The following SGCZ variants were observed in gnomAD, a reference collection of about 807,000 sequenced individuals.
SGCZ encodes the protein zeta-sarcoglycan.
A neutral mutation model predicts 41.3 loss-of-function variants in SGCZ; 40 were observed. That is an observed-to-expected ratio of 0.97 (90% CI 0.75 to 1.26). The LOEUF is 1.26. Ranked by LOEUF, SGCZ falls within the 50% of genes most tolerant of loss-of-function variation. The probability of loss-of-function intolerance (pLI) is 0.00; values close to 1 mark genes in which losing one functional copy is unlikely to be tolerated. For missense variants in SGCZ, 552 were observed against 369.8 expected, an observed-to-expected ratio of 1.49 and a Z score of -4.04; for synonymous variants, 206 against 137.5, an observed-to-expected ratio of 1.50 and a Z score of -3.49.
chr8:14,339,283 C>A (rs1802615060), intron 2 of SGCZ, among the ~76,000 whole-genome samples: 1 of 152,158 alleles, frequency 6.6e-6, no homozygotes, highest in African/African-American at 2.4e-5. Flanking sequence ...TTGGTTTACA[C>A]CTGCCTAAAA....
At chr8:14,323,441 G>T in intron 3 of SGCZ, among the ~76,000 whole-genome samples, 1 of 152,114 alleles carries the variant, frequency 6.6e-6, no homozygotes, top group Non-Finnish European at 1.5e-5. Flanking sequence ...CAGGGGGAAT[G>T]TAATAGATAT....
intron 2 of SGCZ, among the ~76,000 whole-genome samples, chr8:14,329,146 G>A (rs968734056): frequency 6.6e-6 from 1 of 152,010 alleles, no homozygotes; most frequent in Non-Finnish European, 1.5e-5. Context: ...TTTACCTATT[G>A]TTCACAGACA....
chr8:14,569,372 G>A (rs1804480863), intron 1 of SGCZ, among the ~76,000 whole-genome samples: 1 of 152,008 alleles, frequency 6.6e-6, no homozygotes, highest in Non-Finnish European at 1.5e-5. Context: ...ACTGTTTCAG[G>A]ATTTCTGTTA....
chr8:14,902,076 C>T (rs549837933), intron 1 of SGCZ, among the ~76,000 whole-genome samples: 1 of 152,148 alleles, frequency 6.6e-6, no homozygotes, highest in East Asian at 1.9e-4. Context: ...CTATTTGGCT[C>T]CATAAATGCC....
intron 1 of SGCZ, among the ~76,000 whole-genome samples, chr8:14,821,443 A>G (rs1182535580): frequency 2.6e-5 from 4 of 152,072 alleles, no homozygotes; most frequent in Non-Finnish European, 5.9e-5. Flanking sequence ...ACTAAAGATG[A>G]GGGAAAACTT....
rs11987143 is a variant in SGCZ at position 14,186,670 on chromosome 8, G to C, written c.425-21968C>G. ...AGTGCAGACATTTTGCGCAAGGAGA[G>C]AGGCAGGCTGTAAAACAGGGGGTTC... On this transcript the variant is annotated intron_variant, in intron 4 of 7. Coordinates refer to ENST00000382080, the MANE Select transcript of SGCZ (RefSeq NM_139167.4). 7.7e-3 allele frequency among the ~76,000 whole-genome samples: 1,171 copies of C among 152,318 alleles called. 19 individuals carry two copies. The highest frequency in any genetic ancestry group is 0.027 in the African/African-American group (1,123 of 41,568).
At position 14,228,386 on chromosome 8, in the gene SGCZ, T is replaced by A. The variant is rs1190717986; in HGVS notation, c.424+9206A>T. Among the ~76,000 whole-genome samples, 2 of 151,976 alleles carry A rather than the reference T, an allele frequency of 1.3e-5. 1 individual carries two copies. Among genetic ancestry groups the A allele is most frequent in the Non-Finnish European group, 2.9e-5 (2 of 67,992 alleles). On this transcript the variant is annotated intron_variant, in intron 4 of 7. Coordinates refer to ENST00000382080, the MANE Select transcript of SGCZ (RefSeq NM_139167.4). ...AAATTTAAAGCCACTCCTTTCTTAC[T>A]TTGTTTAACTTATTTTACTTTTATC...
intron 1 of SGCZ, among the ~76,000 whole-genome samples, chr8:14,597,750 T>A (rs1386416916): frequency 6.6e-6 from 1 of 152,172 alleles, no homozygotes; most frequent in Non-Finnish European, 1.5e-5. Context: ...GTGCTGGGAT[T>A]ACAGGTGTGA....
intron 1 of SGCZ, among the ~76,000 whole-genome samples, chr8:14,895,870 G>C (rs918604090): frequency 6.6e-6 from 1 of 152,162 alleles, no homozygotes; most frequent in Non-Finnish European, 1.5e-5. Flanking sequence ...ATGTAGGGTA[G>C]AAATGGGATA....
intron 3 of SGCZ, among the ~76,000 whole-genome samples, chr8:14,312,232 T>C (rs1801570405): frequency 6.6e-6 from 1 of 152,184 alleles, no homozygotes; most frequent in African/African-American, 2.4e-5. Context: ...TGTTTCTTAC[T>C]GTGGTTCAAA....
chr8:14,475,712 G>A (rs75019460), intron 2 of SGCZ, among the ~76,000 whole-genome samples: 8,278 of 152,146 alleles, frequency 0.054, 734 homozygotes, highest in African/African-American at 0.19. Context: ...ATAATCTGAA[G>A]CAATTCCAAA....
rs1801561467 is a variant in SGCZ, at chr8:14,087,683, G to A, written c.*2760C>T. Among the ~76,000 whole-genome samples the A allele has an allele frequency of 1.3e-5, 2 of 150,502 alleles. No individual in the cohort carries two copies. The highest frequency in any genetic ancestry group is 4.2e-4 in the South Asian group (2 of 4,786). On this transcript the variant is annotated 3_prime_UTR_variant, in exon 8 of 8. Transcript: ENST00000382080. ...TACTGGGAAAACATAATCTGTTAGG[G>A]TACTGTGCAATTAAGGGACCACTAT...
chr8:14,351,919 CTT>C (rs1009909276), intron 2 of SGCZ, among the ~76,000 whole-genome samples: 3 of 152,026 alleles, frequency 2.0e-5, no homozygotes, highest in African/African-American at 7.2e-5. Context: ...AACACGGACA[CTT>C]TGTTTAATTT....
rs193127945 is a variant in SGCZ at position 15,228,499 on chromosome 8, A to C, written c.39+9086T>G. ...CCTAGAACAAGCACCTGATGAAAAC[A>C]TTGATTTTTATAAAATAGATTTGAA... On this transcript the variant is annotated intron_variant, in intron 1 of 7. Transcript: ENST00000382080. 5.2e-4 allele frequency among the ~76,000 whole-genome samples: 79 copies of C among 152,338 alleles called. 1 individual carries two copies. In the East Asian group the frequency reaches 0.013, roughly 25 times the overall value.
chr8:14,649,080 C>G (rs191189163), intron 1 of SGCZ, among the ~76,000 whole-genome samples: 1 of 152,092 alleles, frequency 6.6e-6, no homozygotes, highest in South Asian at 2.1e-4. Context: ...CAACTGACTG[C>G]GTGTTTTCAA....
intron 4 of SGCZ, among the ~76,000 whole-genome samples, chr8:14,187,696 C>A (rs868264179): frequency 6.6e-6 from 1 of 151,910 alleles, no homozygotes; most frequent in Non-Finnish European, 1.5e-5. Flanking sequence ...AAAATGACAA[C>A]TGCAGGACAC....
At chr8:14,846,848 T>A (rs912724465) in intron 1 of SGCZ, among the ~76,000 whole-genome samples, 1 of 151,862 alleles carries the variant, frequency 6.6e-6, no homozygotes, top group African/African-American at 2.4e-5. Flanking sequence ...GTCGGGTGGA[T>A]TGCCTGAGTT....
At chr8:14,468,306 A>G (rs1438614379) in intron 2 of SGCZ, among the ~76,000 whole-genome samples, 3 of 152,130 alleles carry the variant, frequency 2.0e-5, no homozygotes, top group African/African-American at 7.2e-5. Flanking sequence ...AACAAAAACC[A>G]TATGAAAATG....
intron 5 of SGCZ, among the ~76,000 whole-genome samples, chr8:14,126,111 A>C (rs984695888): frequency 2.0e-5 from 3 of 152,236 alleles, no homozygotes; most frequent in African/African-American, 7.2e-5. Context: ...ATTAGAACAA[A>C]AGCTAAAATT....
Sources: allele counts gnomAD v4.1 joint callset (sites outside exome capture counted in the v4.1 genomes callset), GRCh38; gene constraint gnomAD v4.1.1; transcripts MANE v1.5; gene names NCBI Gene and HGNC (gene_info 2026-07-23, HGNC 2026-07-21).